EPHA6: variants seen among roughly 807,000 people sequenced by gnomAD.
EPHA6 encodes ephrin type-A receptor 6.
EPHA6 carries 50 observed loss-of-function variants against 112.0 expected under a neutral mutation model. That is an observed-to-expected ratio of 0.45 (90% CI 0.36 to 0.56). EPHA6 has a LOEUF of 0.56. Among genes scored for constraint, EPHA6 ranks in the 20% least tolerant of loss-of-function variants. EPHA6 has a pLI of 0.00. For synonymous variants in EPHA6, 529 were observed against 490.7 expected (o/e 1.08, Z -1.03); for missense variants, 1,280 against 1,417.4 (o/e 0.90, Z 1.56).
intron 2 of EPHA6, among the ~76,000 whole-genome samples, chr3:96,936,252 C>T (rs1376136491): frequency 6.6e-6 from 1 of 151,864 alleles, no homozygotes; most frequent in Middle Eastern, 3.2e-3. Context: ...TTTTAGTTTC[C>T]ACTTAACATT....
intron 2 of EPHA6, among the ~76,000 whole-genome samples, chr3:96,939,458 T>A (rs1361312275): frequency 6.6e-6 from 1 of 152,202 alleles, no homozygotes; most frequent in Non-Finnish European, 1.5e-5. Flanking sequence ...TAATATCCCC[T>A]TTATCATTTT....
chr3:97,192,593 G>A (rs947236754), intron 3 of EPHA6, among the ~76,000 whole-genome samples: 26 of 152,082 alleles, frequency 1.7e-4, no homozygotes, highest in Middle Eastern at 3.2e-3. Flanking sequence ...TCACTTTGTT[G>A]ATTGTTTCCT....
intron 14 of EPHA6, among the ~76,000 whole-genome samples, chr3:97,676,020 C>G (rs187075377): frequency 6.6e-6 from 1 of 151,876 alleles, no homozygotes; most frequent in Non-Finnish European, 1.5e-5. Flanking sequence ...GAGGAGCAGT[C>G]GTAGAGGGGG....
intron 10 of EPHA6, among the ~76,000 whole-genome samples, chr3:97,524,131 AT>A (rs1239344895): frequency 3.4e-5 from 5 of 147,680 alleles, no homozygotes; most frequent in Non-Finnish European, 5.9e-5. Context: ...CATTTTATTA[AT>A]TTTTTACTGA....
At chr3:97,731,959 C>G (rs2035055138) in intron 15 of EPHA6, among the ~76,000 whole-genome samples, 1 of 152,024 alleles carries the variant, frequency 6.6e-6, no homozygotes, top group African/African-American at 2.4e-5. Context: ...TTGAACACCA[C>G]AGCCATTGCC....
In EPHA6 at chr3:97,725,238, C is replaced by T. The variant is rs142446591; in HGVS notation, c.2934+4828C>T. On this transcript the variant is annotated intron_variant, in intron 15 of 17. Coordinates refer to ENST00000389672, the MANE Select transcript of EPHA6 (RefSeq NM_001080448.3). ...TTCCAGCTTTGCAACCCCAGCAAAA[C>T]GAGACCTTCTTTCTGTGCAAATTCG... Among the ~76,000 whole-genome samples, 18 of 152,154 alleles carry T rather than the reference C, an allele frequency of 1.2e-4. No homozygotes were observed. In the East Asian group the frequency reaches 2.1e-3, roughly 18 times the overall value.
chr3:96,823,221 T>G (rs1160994991), intron 1 of EPHA6, among the ~76,000 whole-genome samples: 1 of 151,742 alleles, frequency 6.6e-6, no homozygotes, highest in Non-Finnish European at 1.5e-5. Context: ...TAGAGGCCAA[T>G]AAATTAGTTA....
rs1477716918 is a variant in EPHA6 at position 97,752,159 on chromosome 3, A to C, written c.*3458A>C. The C allele has an allele frequency of 4.5e-6, 1 of 223,438 alleles. No individual in the cohort carries two copies. The highest frequency in any genetic ancestry group is 5.7e-5 in the Admixed American group (1 of 17,448). The allele number at this position is 223,438 out of a possible 1,614,324, so 13.8% of individuals were successfully genotyped here. On this transcript the variant is annotated 3_prime_UTR_variant, in exon 18 of 18. Coordinates refer to ENST00000389672, the MANE Select transcript of EPHA6 (RefSeq NM_001080448.3). ...CTGCATTGGTCTTTAAAATCTATCA[A>C]AGTATAACCTGAATAAAACTGCCTT... is the stretch of plus-strand genomic sequence containing the variant.
intron 11 of EPHA6, among the ~76,000 whole-genome samples, chr3:97,567,313 G>T (rs1465960502): frequency 6.6e-6 from 1 of 152,116 alleles, no homozygotes; most frequent in Admixed American, 6.5e-5. Context: ...AAAGGCTTGT[G>T]TGCCAAAAAA....
chr3:97,698,654 T>C (rs1188326771), intron 14 of EPHA6, among the ~76,000 whole-genome samples: 2 of 152,180 alleles, frequency 1.3e-5, no homozygotes, highest in African/African-American at 4.8e-5. Flanking sequence ...CAGTATTATA[T>C]AAAGAAAAAG....
intron 10 of EPHA6, among the ~76,000 whole-genome samples, chr3:97,525,374 C>T (rs2092604195): frequency 6.6e-6 from 1 of 152,152 alleles, no homozygotes; most frequent in African/African-American, 2.4e-5. Flanking sequence ...TCAAACTTCT[C>T]ATTTCATTCA....
intron 6 of EPHA6, among the ~76,000 whole-genome samples, chr3:97,406,177 G>T (rs987982798): frequency 1.3e-5 from 2 of 152,136 alleles, no homozygotes; most frequent in Non-Finnish European, 2.9e-5. Context: ...TTCCTCTGAA[G>T]AAATAGAGGG....
At chr3:97,731,278 C>CA (rs1000478753) in intron 15 of EPHA6, among the ~76,000 whole-genome samples, 7 of 151,928 alleles carry the variant, frequency 4.6e-5, no homozygotes, top group African/African-American at 1.7e-4. Flanking sequence ...TCCTAAAGGA[C>CA]AAAAATCCCA....
intron 5 of EPHA6, among the ~76,000 whole-genome samples, chr3:97,343,711 A>G (rs2083415847): frequency 6.6e-6 from 1 of 152,178 alleles, no homozygotes; most frequent in Admixed American, 6.5e-5. Context: ...AAAACTGTAA[A>G]TGTATGCTAT....
intron 1 of EPHA6, among the ~76,000 whole-genome samples, chr3:96,836,530 G>A (rs1399980030): frequency 6.6e-6 from 1 of 152,098 alleles, no homozygotes; most frequent in African/African-American, 2.4e-5. Context: ...TTCACATACT[G>A]TTTTACAGCA....
At chr3:97,734,007 C>A (rs73850170) in intron 15 of EPHA6, among the ~76,000 whole-genome samples, 1 of 151,988 alleles carries the variant, frequency 6.6e-6, no homozygotes, top group South Asian at 2.1e-4. Context: ...CTGCCACTTA[C>A]TAGCTATGTG....
At chr3:97,586,198 C>G (rs1355055814) in intron 11 of EPHA6, among the ~76,000 whole-genome samples, 35 of 152,202 alleles carry the variant, frequency 2.3e-4, no homozygotes, top group Non-Finnish European at 2.9e-5. Context: ...GAGGAGACCA[C>G]AGCGAACTCC....
chr3:96,831,533 A>G (rs745348343), intron 1 of EPHA6, among the ~76,000 whole-genome samples: 4 of 151,688 alleles, frequency 2.6e-5, no homozygotes, highest in South Asian at 2.1e-4. Flanking sequence ...TTTTTTGCCA[A>G]TTGACACTTT....
intron 11 of EPHA6, among the ~76,000 whole-genome samples, chr3:97,543,254 C>A (rs2092893257): frequency 6.6e-6 from 1 of 152,126 alleles, no homozygotes; most frequent in Admixed American, 6.6e-5. Flanking sequence ...TTTAATCCAT[C>A]TTGAATTGAT....
Sources: gnomAD v4.1 joint callset for allele counts (sites outside exome capture counted in the v4.1 genomes callset) on GRCh38, gnomAD v4.1.1 for gene constraint, MANE v1.5 for transcripts, NCBI Gene and HGNC (gene_info 2026-07-23, HGNC 2026-07-21) for gene names.